CRCP: variants seen among roughly 807,000 people sequenced by gnomAD.
CRCP encodes the protein DNA-directed RNA polymerase III subunit RPC9.
Under a neutral mutation model 18.5 loss-of-function variants are expected in CRCP, and 18 were observed. That is an observed-to-expected ratio of 0.97 (90% CI 0.67 to 1.44). The LOEUF (loss-of-function observed/expected upper bound fraction) is 1.44, where lower values mean the gene tolerates loss of function less well. Among genes scored for constraint, CRCP ranks in the 40% most tolerant of loss-of-function variants. The pLI is 0.00. For missense variants in CRCP, 130 were observed against 176.4 expected, an observed-to-expected ratio of 0.74 and a Z score of 1.49; for synonymous variants, 53 against 62.9, an observed-to-expected ratio of 0.84 and a Z score of 0.75.
rs1210392631 is a variant in CRCP at position 66,114,904 on chromosome 7, A to G, written c.-59A>G. 1.2e-6 allele frequency: 2 copies of G among 1,609,548 alleles called. No homozygotes were observed. Among genetic ancestry groups the G allele is most frequent in the African/African-American group, 2.7e-5 (2 of 74,920 alleles). ...TGGCGCTGTTGGTGGCGGCGGAGACAGCTGTGAAGTGTGAGGTTCTTTGTC... is the reference window on the plus strand; with the variant it reads ...TGGCGCTGTTGGTGGCGGCGGAGACGGCTGTGAAGTGTGAGGTTCTTTGTC... On this transcript the variant is annotated 5_prime_UTR_variant, in exon 1 of 6. Transcript: ENST00000395326.
intron 4 of CRCP, among the ~76,000 whole-genome samples, chr7:66,144,892 A>G (rs1431517720): frequency 3.9e-5 from 6 of 152,166 alleles, no homozygotes; most frequent in Non-Finnish European, 7.4e-5. Context: ...GCTCACGCCT[A>G]TATCTTACCA....
At chr7:66,150,356 A>AACTCTGTCTCAAAAAAAAAAAG (rs1554334963) in intron 5 of CRCP, among the ~76,000 whole-genome samples, 26 of 151,508 alleles carry the variant, frequency 1.7e-4, no homozygotes, top group African/African-American at 2.7e-4. Flanking sequence ...ACAAGAGTGA[A>AACTCTGTCTCAAAAAAAAAAAG]GGGGGGGAGT....
chr7:66,130,253 C>T (rs918291292), intron 2 of CRCP: 6 of 220,644 alleles, frequency 2.7e-5, no homozygotes, highest in Non-Finnish European at 4.5e-5. Context: ...CTACAGGTGC[C>T]GCCACCATGT....
intron 2 of CRCP, among the ~76,000 whole-genome samples, chr7:66,129,324 C>T (rs565855962): frequency 6.6e-6 from 1 of 152,090 alleles, no homozygotes; most frequent in Non-Finnish European, 1.5e-5. Context: ...CAGCGAGACT[C>T]CGTCTCAAAA....
At chr7:66,138,621 T>TA (rs34807364) in intron 4 of CRCP, among the ~76,000 whole-genome samples, 66,928 of 93,120 alleles carry the variant, frequency 0.72, 23,605 homozygotes, top group African/African-American at 0.79. Flanking sequence ...TCGTCTCTAC[T>TA]AAAAAAAAAA....
chr7:66,139,015 A>G (rs1584088897), intron 4 of CRCP, among the ~76,000 whole-genome samples: 2 of 152,160 alleles, frequency 1.3e-5, no homozygotes, highest in Non-Finnish European at 2.9e-5. Flanking sequence ...TTCAGCTCCC[A>G]GAAACACAAC....
At position 66,145,300 on chromosome 7, in the gene CRCP, C is replaced by CT. The variant is rs1788261235; in HGVS notation, c.240-142dup. The CT allele has an allele frequency of 1.0e-5, 8 of 780,136 alleles. No individual in the cohort carries two copies. In the South Asian group the frequency reaches 1.2e-4, roughly 12 times the overall value. 48.3% of individuals were successfully genotyped at this position (780,136 alleles called of 1,614,324 possible). A position where few individuals can be genotyped will look rare whatever the true frequency, so the allele number is the denominator to read the frequency against. On this transcript the variant is annotated intron_variant, in intron 4 of 5. Transcript: ENST00000395326. Reference sequence around the variant, plus strand: ...ACATACACGCTCCTGTTCCCATTCTCTCGATTTACAGTTGAAGGAACTGAG... The same window carrying CT: ...ACATACACGCTCCTGTTCCCATTCTCTTCGATTTACAGTTGAAGGAACTGAG...
At chr7:66,141,898 G>A (rs1328573924) in intron 4 of CRCP, among the ~76,000 whole-genome samples, 1 of 152,152 alleles carries the variant, frequency 6.6e-6, no homozygotes, top group African/African-American at 2.4e-5. Context: ...AGACTGGAGT[G>A]TGGAGTGCAT....
intron 1 of CRCP, among the ~76,000 whole-genome samples, chr7:66,124,855 A>C (rs1427044294): frequency 6.7e-6 from 1 of 149,244 alleles, no homozygotes; most frequent in Non-Finnish European, 1.5e-5. Flanking sequence ...AGCGATGATA[A>C]TCTACTATTA....
Position 66,134,368 on chromosome 7 carries a change from T to G in CRCP, c.233T>G (p.Leu78Trp), listed in dbSNP as rs773251340. Residue 78 changes from leucine to tryptophan, a missense_variant, in exon 4 of 6, where the codon TTG becomes TGG. Physicochemically the swap from Leu to Trp is moderately conservative, Grantham distance 61 (BLOSUM62 -2). Transcript: ENST00000395326. ...CTCACAGCATTGAAAAGCCACAAGT[T>G]GACCAAGTAAGTAAATCTCTTAAGT... Reference protein sequence around the residue: ...EFLTALKSHKLTKAEKLQLLN... With the variant: ...EFLTALKSHKWTKAEKLQLLN... 3 of 1,602,372 alleles carry G rather than the reference T, an allele frequency of 1.9e-6. No individual in the cohort carries two copies. Among genetic ancestry groups the G allele is most frequent in the Non-Finnish European group, 2.6e-6 (3 of 1,173,196 alleles).
rs544406011 is a variant in CRCP at position 66,131,013 on chromosome 7, C to T, written c.144+171C>T. 2.5e-4 allele frequency among the ~76,000 whole-genome samples: 38 copies of T among 152,268 alleles called. No individual in the cohort carries two copies. In the South Asian group the frequency reaches 6.6e-3, roughly 27 times the overall value. ...TTTTTGACACAGAGTCTCGCTCTGT[C>T]GCCCAGGCTGGAATGCAGTGGTGTG... is the stretch of plus-strand genomic sequence containing the variant. On this transcript the variant is annotated intron_variant, in intron 3 of 5. Coordinates refer to ENST00000395326, the MANE Select transcript of CRCP (RefSeq NM_014478.5).
At chr7:66,128,574 G>C (rs1483322047) in intron 2 of CRCP, 1 of 151,928 alleles carries the variant, frequency 6.6e-6, no homozygotes, top group African/African-American at 2.4e-5. Flanking sequence ...AGCGGATCAC[G>C]AGGTCAGGAG....
chr7:66,134,682 C>G (rs781634097), intron 4 of CRCP, among the ~76,000 whole-genome samples: 1 of 151,646 alleles, frequency 6.6e-6, no homozygotes, highest in Non-Finnish European at 1.5e-5. Flanking sequence ...AATGGAAATG[C>G]TTCATGGAAA....
chr7:66,133,790 A>G (rs1275337700), intron 3 of CRCP, among the ~76,000 whole-genome samples: 1 of 150,616 alleles, frequency 6.6e-6, no homozygotes, highest in Non-Finnish European at 1.5e-5. Flanking sequence ...AGAAATTCCA[A>G]TTACACGAAG....
At chr7:66,133,471 G>C (rs1184473838) in intron 3 of CRCP, among the ~76,000 whole-genome samples, 2 of 149,456 alleles carry the variant, frequency 1.3e-5, no homozygotes, top group Non-Finnish European at 3.0e-5. Context: ...TCGTGCCGCT[G>C]CACTCCAGCC....
At chr7:66,121,781 A>G (rs183070818) in intron 1 of CRCP, among the ~76,000 whole-genome samples, 3 of 152,292 alleles carry the variant, frequency 2.0e-5, no homozygotes, top group Admixed American at 2.0e-4. Flanking sequence ...CCTCTGTACC[A>G]TCTTTTTGAG....
chr7:66,118,362 A>G (rs917815355), intron 1 of CRCP, among the ~76,000 whole-genome samples: 5 of 152,190 alleles, frequency 3.3e-5, no homozygotes, highest in Non-Finnish European at 5.9e-5. Flanking sequence ...TGTCTTTCAT[A>G]GTACCTTGAT....
chr7:66,120,185 AAAAAAAAG>A (rs1234735263), intron 1 of CRCP, among the ~76,000 whole-genome samples: 10 of 151,372 alleles, frequency 6.6e-5, no homozygotes, highest in South Asian at 2.1e-4. Context: ...CCCCGTCTCA[AAAAAAAAG>A]AAAAAAAGAA....
At position 66,136,861 on chromosome 7, in the gene CRCP, C is replaced by T. The variant is rs538810118; in HGVS notation, c.239+2487C>T. On this transcript the variant is annotated intron_variant, in intron 4 of 5. Transcript: ENST00000395326. Reference sequence around the variant, plus strand: ...TTGGGAGGCTGAGGCAGGTGGATCACGAGGTCAGGAGTTCAAGACCATCCT... The same window carrying T: ...TTGGGAGGCTGAGGCAGGTGGATCATGAGGTCAGGAGTTCAAGACCATCCT... Among the ~76,000 whole-genome samples, 21 of 150,896 alleles carry T rather than the reference C, an allele frequency of 1.4e-4. No individual in the cohort carries two copies. The South Asian group carries it at 4.0e-3, about 29-fold the overall frequency.
Sources: gnomAD v4.1 joint callset for allele counts (sites outside exome capture counted in the v4.1 genomes callset) on GRCh38, gnomAD v4.1.1 for gene constraint, MANE v1.5 for transcripts, NCBI Gene and HGNC (gene_info 2026-07-23, HGNC 2026-07-21) for gene names.